ROR2: variants seen among roughly 807,000 people sequenced by gnomAD.
The protein encoded by ROR2 is tyrosine-protein kinase transmembrane receptor ROR2.
In ROR2, 33 loss-of-function variants were observed where a neutral mutation model predicts 74.9. The ratio of observed to expected loss-of-function variants is 0.44; its 90% CI spans 0.33 to 0.59. ROR2 has a LOEUF of 0.59. Ranked by LOEUF, ROR2 falls within the 20% of genes least tolerant of loss-of-function variation. The pLI, the probability that ROR2 is intolerant of heterozygous loss-of-function variation, is 0.02. For missense variants in ROR2, 1,216 were observed against 1,313.8 expected, an observed-to-expected ratio of 0.93 and a Z score of 1.15; for synonymous variants, 586 against 558.7, an observed-to-expected ratio of 1.05 and a Z score of -0.69.
chr9:91,947,714 AG>A (rs1177337451), intron 1 of ROR2, among the ~76,000 whole-genome samples: 1 of 152,170 alleles, frequency 6.6e-6, no homozygotes. Flanking sequence ...GAGGAAACAG[AG>A]TCTTGCTATT....
At chr9:91,854,234 C>T (rs1409518296) in intron 1 of ROR2, among the ~76,000 whole-genome samples, 2 of 152,180 alleles carry the variant, frequency 1.3e-5, no homozygotes, top group Non-Finnish European at 2.9e-5. Flanking sequence ...TGCACTGGCT[C>T]CCAGCACCCG....
chr9:91,845,815 T>C (rs1240022924), intron 1 of ROR2, among the ~76,000 whole-genome samples: 1 of 130,808 alleles, frequency 7.6e-6, no homozygotes, highest in Admixed American at 9.3e-5. Context: ...GAGGTGGAGG[T>C]TGCAGTGAGC....
At chr9:91,779,631 A>C (rs1826545786) in intron 1 of ROR2, among the ~76,000 whole-genome samples, 1 of 152,096 alleles carries the variant, frequency 6.6e-6, no homozygotes, top group Non-Finnish European at 1.5e-5. Context: ...TCAGCCTCCC[A>C]AAGTGCTAGG....
chr9:91,916,182 A>C (rs1334911236), intron 1 of ROR2, among the ~76,000 whole-genome samples: 2 of 152,222 alleles, frequency 1.3e-5, no homozygotes. Context: ...TCTTGATCTA[A>C]TCACGGAAAT....
chr9:91,726,666 G>C lies in ROR2; in HGVS notation c.1261C>G (p.Leu421Val), dbSNP rs543117428. The C allele has an allele frequency of 1.2e-4, 191 of 1,613,996 alleles. 6 individuals are homozygous for C. In the South Asian group the frequency reaches 2.0e-3, roughly 17 times the overall value. The change falls in exon 8 of 9, where the codon CTT becomes GTT. Residue 421 changes from leucine (L) to valine (V), a missense_variant. Physicochemically the swap from Leu to Val is conservative, Grantham distance 32. Coordinates refer to ENST00000375708, the MANE Select transcript of ROR2 (RefSeq NM_004560.4). ...CGGCACATGCAAACCAAGAAGAAAA[G>C]GCAAGCGATGACCAGTGGAATTGCG... ...SIAIPLVIAC[L>V]FFLVCMCRNK...
chr9:91,775,741 C>G lies in ROR2; in HGVS notation c.175G>C (p.Gly59Arg). The change falls in exon 2 of 9, where the codon GGT becomes CGT. Residue 59 changes from glycine to arginine, a missense_variant and splice_region_variant. Transcript: ENST00000375708. The stretch of plus-strand genomic sequence containing the variant: ...AGAGCACCTGCATGTCCCAGCTCAC[C>G]TTTCAGAGTTGGAATCGGGCCGTCC... ...GQDGPIPTLK[G>R]YFLNFLEPVN... is the part of the protein sequence containing the mutation. The G allele has an allele frequency of 1.2e-6, 2 of 1,613,976 alleles. No individual in the cohort carries two copies. The highest frequency in any genetic ancestry group is 1.1e-5 in the South Asian group (1 of 91,068).
At chr9:91,793,051 C>G (rs1257042459) in intron 1 of ROR2, among the ~76,000 whole-genome samples, 1 of 152,104 alleles carries the variant, frequency 6.6e-6, no homozygotes, top group Non-Finnish European at 1.5e-5. Flanking sequence ...GGATACTTTC[C>G]AACTTATTCT....
chr9:91,834,555 T>C (rs1484065898), intron 1 of ROR2, among the ~76,000 whole-genome samples: 1 of 152,206 alleles, frequency 6.6e-6, no homozygotes, highest in Non-Finnish European at 1.5e-5. Flanking sequence ...AGTCCCGTCG[T>C]CAGCAGGGCT....
At chr9:91,898,501 A>T (rs900641139) in intron 1 of ROR2, among the ~76,000 whole-genome samples, 1 of 152,038 alleles carries the variant, frequency 6.6e-6, no homozygotes, top group African/African-American at 2.4e-5. Flanking sequence ...ACAGAACCCC[A>T]CCCCTTTATT....
intron 1 of ROR2, among the ~76,000 whole-genome samples, chr9:91,799,030 C>T (rs1827286030): frequency 6.6e-6 from 1 of 152,130 alleles, no homozygotes; most frequent in Admixed American, 6.5e-5. Flanking sequence ...AGATCCATTC[C>T]CCACCCACTC....
chr9:91,746,066 G>GT (rs1198518333), intron 4 of ROR2, among the ~76,000 whole-genome samples: 2 of 148,868 alleles, frequency 1.3e-5, no homozygotes, highest in Non-Finnish European at 3.0e-5. Flanking sequence ...TGGTTTTTTT[G>GT]TTTGTTTATT....
At chr9:91,925,115 A>G (rs1457895772) in intron 1 of ROR2, among the ~76,000 whole-genome samples, 1 of 152,082 alleles carries the variant, frequency 6.6e-6, no homozygotes, top group Non-Finnish European at 1.5e-5. Flanking sequence ...CCTCCCCCAA[A>G]GTGCTGAGAT....
intron 1 of ROR2, among the ~76,000 whole-genome samples, chr9:91,913,383 T>C (rs944141979): frequency 2.0e-5 from 3 of 152,248 alleles, no homozygotes; most frequent in Non-Finnish European, 4.4e-5. Context: ...TTGATTTTTT[T>C]TCTCTCTTTG....
intron 1 of ROR2, among the ~76,000 whole-genome samples, chr9:91,916,242 G>A (rs1036251489): frequency 6.6e-6 from 1 of 152,214 alleles, no homozygotes; most frequent in African/African-American, 2.4e-5. Flanking sequence ...TTCTTGCTAG[G>A]AGCCAAAATC....
chr9:91,757,531 T>A lies in ROR2; in HGVS notation c.204A>T (p.Val68=). Residue 68 remains valine, a synonymous_variant, in exon 3 of 9, where the codon GTA becomes GTT. Coordinates refer to ENST00000375708, the MANE Select transcript of ROR2 (RefSeq NM_004560.4). Reference sequence around the variant, plus strand: ...GGCCTTGGACAATGGTGATATTGTTTACTGGCTCCAGAAAATTCAGAAAGT... The same window carrying A: ...GGCCTTGGACAATGGTGATATTGTTAACTGGCTCCAGAAAATTCAGAAAGT... The part of the protein sequence containing the change: ...KGYFLNFLEP[V]NNITIVQGQT... 6.2e-7 allele frequency: 1 copy of A among 1,613,808 alleles called. No individual in the cohort carries two copies. Among genetic ancestry groups the A allele is most frequent in the Non-Finnish European group, 8.5e-7 (1 of 1,179,978 alleles).
intron 1 of ROR2, among the ~76,000 whole-genome samples, chr9:91,811,961 C>T (rs1246236793): frequency 1.3e-5 from 2 of 151,784 alleles, no homozygotes; most frequent in Non-Finnish European, 2.9e-5. Flanking sequence ...CAGGGATATC[C>T]AATCTTTTGG....
intron 1 of ROR2, among the ~76,000 whole-genome samples, chr9:91,822,083 C>T (rs1569141): frequency 0.038 from 5,788 of 152,218 alleles, 160 homozygotes; most frequent in East Asian, 0.096. Context: ...GCAGTTGACC[C>T]AAATCGGGAT....
intron 1 of ROR2, among the ~76,000 whole-genome samples, chr9:91,791,711 GAAC>G (rs1826984492): frequency 6.6e-6 from 1 of 151,988 alleles, no homozygotes; most frequent in South Asian, 2.1e-4. Flanking sequence ...TAGAAGACTT[GAAC>G]AACATTATAA....
In ROR2 at chr9:91,731,166, A is replaced by G; in HGVS notation, c.938-11T>C. ...TATAGCACTGATGGTCTGAACAAGG[A>G]AAACACGTTAGGAAAACCTCCGGGG... On this transcript the variant is annotated splice_polypyrimidine_tract_variant and intron_variant, in intron 6 of 8. Transcript: ENST00000375708. 5 of 1,613,978 alleles carry G rather than the reference A, an allele frequency of 3.1e-6. No homozygotes were observed. Among genetic ancestry groups the G allele is most frequent in the Non-Finnish European group, 4.2e-6 (5 of 1,180,038 alleles).
Sources: allele counts gnomAD v4.1 joint callset (sites outside exome capture counted in the v4.1 genomes callset), GRCh38; gene constraint gnomAD v4.1.1; transcripts MANE v1.5; gene names NCBI Gene and HGNC (gene_info 2026-07-23, HGNC 2026-07-21).